The following SYT9 variants were observed in gnomAD, a reference collection of about 807,000 sequenced individuals.
The protein encoded by SYT9 is synaptotagmin-9.
Under a neutral mutation model 48.4 loss-of-function variants are expected in SYT9, and 22 were observed. The ratio of observed to expected loss-of-function variants is 0.45; its 90% CI spans 0.32 to 0.65. SYT9 has a LOEUF of 0.65. Ranked by LOEUF, SYT9 falls within the 30% of genes least tolerant of loss-of-function variation. The pLI, the probability that SYT9 is intolerant of heterozygous loss-of-function variation, is 0.03. For synonymous variants in SYT9, 265 were observed against 245.0 expected, an observed-to-expected ratio of 1.08 and a Z score of -0.76; for missense variants, 577 against 622.0, an observed-to-expected ratio of 0.93 and a Z score of 0.77.
At chr11:7,350,059 G>A (rs1328291064) in intron 3 of SYT9, among the ~76,000 whole-genome samples, 2 of 152,162 alleles carry the variant, frequency 1.3e-5, no homozygotes, top group Non-Finnish European at 2.9e-5. Context: ...GATGCCTCAT[G>A]GGTCAATATA....
At chr11:7,371,927 T>A (rs946247408) in intron 3 of SYT9, among the ~76,000 whole-genome samples, 1 of 152,200 alleles carries the variant, frequency 6.6e-6, no homozygotes, top group Non-Finnish European at 1.5e-5. Context: ...TGTTTCAAAT[T>A]TTTTGTTTGT....
chr11:7,268,065 G>A (rs1589899038), intron 1 of SYT9, among the ~76,000 whole-genome samples: 1 of 151,892 alleles, frequency 6.6e-6, no homozygotes, highest in African/African-American at 2.4e-5. Flanking sequence ...GTGTAAAAAG[G>A]TATAGGCCTA....
intron 6 of SYT9, chr11:7,427,470 C>T (rs1847482442): frequency 6.6e-6 from 1 of 152,180 alleles, no homozygotes; most frequent in African/African-American, 2.4e-5. Flanking sequence ...TCCTAGAGCG[C>T]TCAATATGTC....
At chr11:7,341,255 C>G (rs1427853454) in intron 3 of SYT9, among the ~76,000 whole-genome samples, 3 of 152,152 alleles carry the variant, frequency 2.0e-5, no homozygotes, top group Non-Finnish European at 4.4e-5. Context: ...AAACATTAAT[C>G]TTGTGTTTAG....
At chr11:7,277,889 G>A (rs1460391021) in intron 1 of SYT9, among the ~76,000 whole-genome samples, 1 of 152,240 alleles carries the variant, frequency 6.6e-6, no homozygotes, top group Non-Finnish European at 1.5e-5. Context: ...AGCTAGGAAT[G>A]CTCCATGTAA....
intron 1 of SYT9, among the ~76,000 whole-genome samples, chr11:7,272,413 T>C (rs1848313945): frequency 6.6e-6 from 1 of 152,212 alleles, no homozygotes; most frequent in Non-Finnish European, 1.5e-5. Flanking sequence ...TTATCCATTA[T>C]TGTTTTCTCT....
At chr11:7,423,944 A>G (rs1847403677) in intron 6 of SYT9, among the ~76,000 whole-genome samples, 1 of 152,240 alleles carries the variant, frequency 6.6e-6, no homozygotes, top group African/African-American at 2.4e-5. Context: ...AGTGCTCATG[A>G]TAACAGAGTA....
chr11:7,389,693 A>C (rs1850726516), intron 3 of SYT9, among the ~76,000 whole-genome samples: 1 of 152,214 alleles, frequency 6.6e-6, no homozygotes, highest in African/African-American at 2.4e-5. Flanking sequence ...GCGAGAAGAA[A>C]GTATTCTAAT....
chr11:7,403,269 A>G (rs1212523544), intron 3 of SYT9, among the ~76,000 whole-genome samples: 1 of 152,164 alleles, frequency 6.6e-6, no homozygotes, highest in Non-Finnish European at 1.5e-5. Flanking sequence ...TTATTTAGAA[A>G]TGTGTTGAGG....
At chr11:7,315,463 C>T (rs758157143) in intron 3 of SYT9, among the ~76,000 whole-genome samples, 1 of 152,196 alleles carries the variant, frequency 6.6e-6, no homozygotes, top group Admixed American at 6.5e-5. Context: ...CAGTGAGGTG[C>T]CTTGAACTTA....
intron 3 of SYT9, among the ~76,000 whole-genome samples, chr11:7,398,595 A>G (rs542462840): frequency 6.6e-6 from 1 of 152,152 alleles, no homozygotes; most frequent in East Asian, 1.9e-4. Flanking sequence ...TATTTTTAGT[A>G]GAGATGGGGT....
rs1846961206 is a variant in SYT9, at chr11:7,404,370, A to G, written c.1045-11672A>G. Among the ~76,000 whole-genome samples, 4 of 152,030 alleles carry G rather than the reference A, an allele frequency of 2.6e-5. No homozygotes were observed. The South Asian group carries it at 8.3e-4, about 32-fold the overall frequency. ...TTTCTATCAAAATTTGTCTCTTCTAATCTTTTTCTCTTTTCCTTTTCGCTG... is the reference window on the plus strand; with the variant it reads ...TTTCTATCAAAATTTGTCTCTTCTAGTCTTTTTCTCTTTTCCTTTTCGCTG... On this transcript the variant is annotated intron_variant, in intron 3 of 6. Coordinates refer to ENST00000318881, the MANE Select transcript of SYT9 (RefSeq NM_175733.4).
intron 1 of SYT9, among the ~76,000 whole-genome samples, chr11:7,278,304 C>T (rs747839922): frequency 5.9e-5 from 9 of 152,154 alleles, no homozygotes; most frequent in Non-Finnish European, 1.0e-4. Context: ...AGACAGAGCC[C>T]ATATCATCCA....
intron 3 of SYT9, among the ~76,000 whole-genome samples, chr11:7,391,809 GGGAACCTGA>G (rs1319895910): frequency 2.0e-5 from 3 of 148,292 alleles, no homozygotes; most frequent in Non-Finnish European, 4.4e-5. Context: ...CCAGCTACTC[GGGAACCTGA>G]GGTGGGAGGA....
chr11:7,332,461 A>G (rs938083215), intron 3 of SYT9, among the ~76,000 whole-genome samples: 1 of 152,222 alleles, frequency 6.6e-6, no homozygotes, highest in East Asian at 1.9e-4. Flanking sequence ...GCAGGGAACA[A>G]TAGGGTCTAT....
chr11:7,283,513 A>G (rs1848540700), intron 1 of SYT9, among the ~76,000 whole-genome samples: 1 of 152,180 alleles, frequency 6.6e-6, no homozygotes, highest in South Asian at 2.1e-4. Context: ...CAGAGGACCC[A>G]TATTCAAAGA....
chr11:7,380,997 C>T (rs1031519861), intron 3 of SYT9, among the ~76,000 whole-genome samples: 1 of 152,042 alleles, frequency 6.6e-6, no homozygotes, highest in African/African-American at 2.4e-5. Flanking sequence ...TGTGCCATAC[C>T]GAAATTCTAT....
intron 1 of SYT9, among the ~76,000 whole-genome samples, chr11:7,246,370 T>G (rs1200475073): frequency 6.6e-6 from 1 of 152,252 alleles, no homozygotes; most frequent in Non-Finnish European, 1.5e-5. Flanking sequence ...ACCCAGGACC[T>G]GGAAGGCTTC....
intron 1 of SYT9, among the ~76,000 whole-genome samples, chr11:7,276,162 A>T (rs1848388111): frequency 6.6e-6 from 1 of 152,116 alleles, no homozygotes; most frequent in South Asian, 2.1e-4. Flanking sequence ...TTGGAGTTAT[A>T]CTAGAAACTT....
Sources: allele counts gnomAD v4.1 joint callset (sites outside exome capture counted in the v4.1 genomes callset), GRCh38; gene constraint gnomAD v4.1.1; transcripts MANE v1.5; gene names NCBI Gene and HGNC (gene_info 2026-07-23, HGNC 2026-07-21).